PPARGC1A: variants seen among roughly 807,000 people sequenced by gnomAD.
PPARGC1A encodes the protein peroxisome proliferator-activated receptor gamma coactivator 1-alpha.
Under a neutral mutation model 88.7 loss-of-function variants are expected in PPARGC1A, and 25 were observed. The observed-to-expected ratio is 0.28, with a 90% CI of 0.21 to 0.39. The LOEUF (loss-of-function observed/expected upper bound fraction) is 0.39. PPARGC1A is among the 10% of genes least tolerant of loss of function. The pLI, the probability that PPARGC1A is intolerant of heterozygous loss-of-function variation, is 1.00. For synonymous variants in PPARGC1A, 363 were observed against 355.6 expected (o/e 1.02, Z -0.24); for missense variants, 880 against 968.7 (o/e 0.91, Z 1.22).
the PPARGC1A span, among the ~76,000 whole-genome samples, chr4:24,436,759 C>T: frequency 2.0e-4 from 28 of 139,238 alleles, no homozygotes; most frequent in South Asian, 2.5e-3. Context: ...GAGCTGACAT[C>T]GATTGGCCAC....
chr4:24,188,336 A>T, the PPARGC1A span, among the ~76,000 whole-genome samples: 1 of 151,956 alleles, frequency 6.6e-6, no homozygotes, highest in Non-Finnish European at 1.5e-5. Flanking sequence ...ATCCCCAAGG[A>T]CTCCATCTTC....
At chr4:24,264,114 T>G in the PPARGC1A span, among the ~76,000 whole-genome samples, 1 of 151,054 alleles carries the variant, frequency 6.6e-6, no homozygotes, top group Non-Finnish European at 1.5e-5. Flanking sequence ...AAGTATAGAA[T>G]ACTTATATAA....
chr4:24,231,193 G>C, the PPARGC1A span, among the ~76,000 whole-genome samples: 1 of 152,012 alleles, frequency 6.6e-6, no homozygotes, highest in Non-Finnish European at 1.5e-5. Flanking sequence ...CTACCTCCCC[G>C]GTCTCTTGTT....
chr4:23,873,650 G>C (rs1172580208), intron 2 of PPARGC1A, among the ~76,000 whole-genome samples: 2 of 152,106 alleles, frequency 1.3e-5, no homozygotes, highest in South Asian at 2.1e-4. Context: ...AACTAAGTTT[G>C]AATAAAATGT....
chr4:24,025,390 A>G, the PPARGC1A span, among the ~76,000 whole-genome samples: 1 of 152,170 alleles, frequency 6.6e-6, no homozygotes, highest in African/African-American at 2.4e-5. Context: ...TTTTGAGAGT[A>G]CAGGAGAGAT....
At chr4:24,289,864 A>G in the PPARGC1A span, among the ~76,000 whole-genome samples, 1 of 152,138 alleles carries the variant, frequency 6.6e-6, no homozygotes, top group Non-Finnish European at 1.5e-5. Flanking sequence ...ACTGCTAATA[A>G]AGGCATACCC....
chr4:23,831,598 C>G lies in PPARGC1A; in HGVS notation c.388G>C (p.Asp130His). The G allele has an allele frequency of 1.2e-6, 2 of 1,614,112 alleles. No homozygotes were observed. Among genetic ancestry groups the G allele is most frequent in the Admixed American group, 1.7e-5 (1 of 60,016 alleles). Residue 130 changes from aspartate (D) to histidine (H), a missense_variant, in exon 3 of 13, where the codon GAC (aspartate) becomes CAC (histidine). Transcript: ENST00000264867. ...GCCTCCTGGGGTGGAGGGGTGCCGTCAGGCATGGAGGAAGGACTAGCCTCA... is the reference window on the plus strand; with the variant it reads ...GCCTCCTGGGGTGGAGGGGTGCCGTGAGGCATGGAGGAAGGACTAGCCTCA... ...DNEASPSSMP[D>H]GTPPPQEAEE...
chr4:24,134,892 G>T, the PPARGC1A span, among the ~76,000 whole-genome samples: 1 of 152,156 alleles, frequency 6.6e-6, no homozygotes, highest in Non-Finnish European at 1.5e-5. Flanking sequence ...GTTGTCAAAA[G>T]TGGACAAAGA....
the PPARGC1A span, among the ~76,000 whole-genome samples, chr4:23,915,223 C>T: frequency 1.3e-5 from 2 of 151,924 alleles, no homozygotes; most frequent in Non-Finnish European, 2.9e-5. Context: ...TAAAACAAGG[C>T]AATAGGAATA....
chr4:24,051,187 CAAAAAAA>C, the PPARGC1A span, among the ~76,000 whole-genome samples: 1 of 58,618 alleles, frequency 1.7e-5, no homozygotes, highest in African/African-American at 7.2e-5. Flanking sequence ...GACTCTGTCT[CAAAAAAA>C]AAAAAAAAAA....
the PPARGC1A span, among the ~76,000 whole-genome samples, chr4:24,323,727 G>A: frequency 1.3e-5 from 2 of 152,186 alleles, no homozygotes; most frequent in African/African-American, 2.4e-5. Context: ...GTTTGGTGTC[G>A]TGACTCGGAT....
the PPARGC1A span, among the ~76,000 whole-genome samples, chr4:24,401,893 TGAAGA>T: frequency 1.3e-5 from 2 of 152,140 alleles, no homozygotes; most frequent in African/African-American, 4.8e-5. Flanking sequence ...ACTTTACAGA[TGAAGA>T]AACTGGGGTT....
At chr4:24,211,874 A>G in the PPARGC1A span, among the ~76,000 whole-genome samples, 2,158 of 152,286 alleles carry the variant, frequency 0.014, 17 homozygotes, top group East Asian at 0.057. Context: ...GCACAGGTAT[A>G]TTCTACCTCC....
the PPARGC1A span, among the ~76,000 whole-genome samples, chr4:24,308,749 G>A: frequency 6.6e-6 from 1 of 151,928 alleles, no homozygotes; most frequent in East Asian, 1.9e-4. Flanking sequence ...TAAAAGAGAG[G>A]GAAGTTTCCT....
chr4:24,023,956 A>G, the PPARGC1A span, among the ~76,000 whole-genome samples: 2 of 152,190 alleles, frequency 1.3e-5, no homozygotes, highest in Admixed American at 1.3e-4. Flanking sequence ...ACTCATTCCA[A>G]AGTGTAGCCA....
chr4:24,069,951 A>G, the PPARGC1A span, among the ~76,000 whole-genome samples: 2 of 152,208 alleles, frequency 1.3e-5, no homozygotes, highest in Non-Finnish European at 2.9e-5. Flanking sequence ...AGAGCAATGC[A>G]GCTGGAGTCC....
At chr4:24,194,746 A>G in the PPARGC1A span, among the ~76,000 whole-genome samples, 1 of 152,118 alleles carries the variant, frequency 6.6e-6, no homozygotes, top group Non-Finnish European at 1.5e-5. Context: ...AAATGAGGCT[A>G]TATGAAATGC....
chr4:24,081,569 C>G, the PPARGC1A span, among the ~76,000 whole-genome samples: 2 of 152,182 alleles, frequency 1.3e-5, no homozygotes, highest in East Asian at 3.9e-4. Context: ...TCTTACTTTT[C>G]CACCACACAA....
At chr4:24,421,894 A>G in the PPARGC1A span, among the ~76,000 whole-genome samples, 1 of 152,172 alleles carries the variant, frequency 6.6e-6, no homozygotes, top group Non-Finnish European at 1.5e-5. Context: ...TTTCCATGGT[A>G]GTGATAGAGA....
Sources: allele counts gnomAD v4.1 joint callset (sites outside exome capture counted in the v4.1 genomes callset), GRCh38; gene constraint gnomAD v4.1.1; transcripts MANE v1.5; gene names NCBI Gene and HGNC (gene_info 2026-07-23, HGNC 2026-07-21).